Variants in FBXO46 observed in about 807,000 individuals in gnomAD.
The protein encoded by FBXO46 is F-box only protein 46.
Under a neutral mutation model 30.7 loss-of-function variants are expected in FBXO46, and 13 were observed. That is an observed-to-expected ratio of 0.42 (90% CI 0.28 to 0.67). The LOEUF (loss-of-function observed/expected upper bound fraction) is 0.67, where lower values mean the gene tolerates loss of function less well. FBXO46 is among the 30% of genes least tolerant of loss of function. The pLI is 0.21. For missense variants in FBXO46, 754 were observed against 871.5 expected (o/e 0.87, Z 1.70); for synonymous variants, 467 against 385.8 (o/e 1.21, Z -2.47).
rs1967950629 is a variant in FBXO46, at chr19:45,711,083, G to A, written c.*601C>T. ...GAAGAGGAGAGACTGGTAGCTTGAGGTTAAGGAGAAAACAGTATTTCCCCC... is the reference window on the plus strand; with the variant it reads ...GAAGAGGAGAGACTGGTAGCTTGAGATTAAGGAGAAAACAGTATTTCCCCC... On this transcript the variant is annotated 3_prime_UTR_variant, in exon 2 of 2. Coordinates refer to ENST00000317683, the MANE Select transcript of FBXO46 (RefSeq NM_001080469.2). 3.0e-6 allele frequency: 1 copy of A among 334,690 alleles called. No individual in the cohort carries two copies. The highest frequency in any genetic ancestry group is 2.2e-5 in the African/African-American group (1 of 44,652). The allele number at this position is 334,690 out of a possible 1,614,324, so 20.7% of individuals were successfully genotyped here.
intron 1 of FBXO46, among the ~76,000 whole-genome samples, chr19:45,728,750 C>G (rs547051503): frequency 6.6e-6 from 1 of 152,170 alleles, no homozygotes; most frequent in African/African-American, 2.4e-5. Flanking sequence ...GTGGGAGGAT[C>G]GCCTGAGCCC....
chr19:45,712,796 A>T lies in FBXO46; in HGVS notation c.700T>A (p.Phe234Ile). ...GGAGGGCTGTCCCTCTGCGCTTCAA[A>T]GTGGGCCACGGCCTCGGCTACACGG... ...CSRVAEAVAHFEAQRDSPPTK... is the reference protein window; with the variant it reads ...CSRVAEAVAHIEAQRDSPPTK... Residue 234 changes from phenylalanine (F) to isoleucine (I), a missense_variant, in exon 2 of 2, where the codon TTT becomes ATT. Phe to Ile is a conservative substitution (Grantham distance 21). Around this residue, in one of 5 missense-constraint regions of FBXO46, gnomAD observed 454 missense variants for 426.5 expected, o/e 1.06. Coordinates refer to ENST00000317683, the MANE Select transcript of FBXO46 (RefSeq NM_001080469.2). This position sits in a 1 kb window ranked among gnomAD's most constrained non-coding sequence, Gnocchi z 8.8. 1 of 1,612,002 alleles carries T rather than the reference A, an allele frequency of 6.2e-7. No homozygotes were observed. Among genetic ancestry groups the T allele is most frequent in the Non-Finnish European group, 8.5e-7 (1 of 1,179,012 alleles).
intron 1 of FBXO46, among the ~76,000 whole-genome samples, chr19:45,722,590 G>A (rs970191568): frequency 1.3e-5 from 2 of 152,026 alleles, no homozygotes; most frequent in Non-Finnish European, 2.9e-5. Flanking sequence ...GTGAAACCCC[G>A]TTTCTACTAA....
rs775092183 is a variant in FBXO46, at chr19:45,713,452, C to T, written c.44G>A (p.Arg15Gln). 17 of 1,592,428 alleles carry T rather than the reference C, an allele frequency of 1.1e-5. No individual in the cohort carries two copies. The highest frequency in any genetic ancestry group is 4.0e-5 in the African/African-American group (3 of 74,566). The change falls in exon 2 of 2, where the codon CGG (arginine) becomes CAG (glutamine). Residue 15 changes from arginine (R) to glutamine (Q), a missense_variant. Physicochemically the swap from Arg to Gln is conservative, Grantham distance 43. Around this residue, in one of 5 missense-constraint regions of FBXO46, gnomAD observed 97 missense variants for 113.0 expected, o/e 0.86. Coordinates refer to ENST00000317683, the MANE Select transcript of FBXO46 (RefSeq NM_001080469.2). This position sits in a 1 kb window ranked among gnomAD's most constrained non-coding sequence, Gnocchi z 4.7. ...SLLPFQLWCP[R>Q]PFGTYSQNQP... ...GTTCTGTGAGTAGGTGCCAAAGGGC[C>T]GGGGGCACCATAGCTGGAAGGGCAG...
chr19:45,728,544 C>G (rs374629442), intron 1 of FBXO46, among the ~76,000 whole-genome samples: 5 of 152,142 alleles, frequency 3.3e-5, no homozygotes, highest in African/African-American at 1.2e-4. Context: ...AAAGAAGAAC[C>G]CTTGCCCAGG....
chr19:45,731,735 C>T (rs1968316902), upstream of FBXO46, among the ~76,000 whole-genome samples: 1 of 152,092 alleles, frequency 6.6e-6, no homozygotes, highest in Non-Finnish European at 1.5e-5. Flanking sequence ...ATCGCTCGAG[C>T]CCAGGAGTTC....
Position 45,712,603 on chromosome 19 carries a change from GC to G in FBXO46, c.892del (p.Ala298ProfsTer73). The G allele has an allele frequency of 6.3e-7, 1 of 1,591,908 alleles. No homozygotes were observed. The highest frequency in any genetic ancestry group is 8.6e-7 in the Non-Finnish European group (1 of 1,168,618). On this transcript the variant is annotated frameshift_variant, in exon 2 of 2. Transcript: ENST00000317683. LOFTEE classifies it high-confidence loss of function. This position sits in a 1 kb window ranked among gnomAD's most constrained non-coding sequence, Gnocchi z 8.8. ...CAYPGSPGPG[A>X]RAKDKITCDL... is the part of the protein sequence containing the mutation. ...ACATGTGATCTTGTCCTTGGCTCGG[GC>G]CCCAGGACCTGGGCTGCCAGGGTAG...
chr19:45,732,918 C>T (rs917680300), upstream of FBXO46, among the ~76,000 whole-genome samples: 14 of 151,940 alleles, frequency 9.2e-5, no homozygotes. Context: ...TCTGCATTAA[C>T]CGAGTTCCCG....
chr19:45,717,361 C>G (rs1968110082), intron 1 of FBXO46: 1 of 152,254 alleles, frequency 6.6e-6, no homozygotes, highest in Admixed American at 6.5e-5. Flanking sequence ...CTCCGGCCAC[C>G]GCGCGGGCAG....
chr19:45,712,047 C>T lies in FBXO46; in HGVS notation c.1449G>A (p.Lys483=), dbSNP rs751795632. 6.2e-7 allele frequency: 1 copy of T among 1,612,192 alleles called. No individual in the cohort carries two copies. Among genetic ancestry groups the T allele is most frequent in the Non-Finnish European group, 8.5e-7 (1 of 1,179,454 alleles). Residue 483 remains lysine (K), a synonymous_variant, in exon 2 of 2, where the codon AAG becomes AAA. Coordinates refer to ENST00000317683, the MANE Select transcript of FBXO46 (RefSeq NM_001080469.2). The surrounding 1 kb of genome is among the most constrained non-coding windows in gnomAD (Gnocchi z 8.8). ...CGCGCGTGGGCAGGAAGCTGAAGAT[C>T]TTGACCAGCACGTGCTCGGGCAGCA... ...MLLLPEHVLV[K]IFSFLPTRAL... is the part of the protein sequence containing the mutation.
intron 1 of FBXO46, among the ~76,000 whole-genome samples, chr19:45,727,363 G>C (rs1968253661): frequency 6.6e-6 from 1 of 152,126 alleles, no homozygotes; most frequent in African/African-American, 2.4e-5. Context: ...TTCGAGACCA[G>C]CCTGGCCAAG....
chr19:45,712,807 G>A lies in FBXO46; in HGVS notation c.689C>T (p.Ala230Val), dbSNP rs760096405. 1.9e-6 allele frequency: 3 copies of A among 1,612,474 alleles called. No homozygotes were observed. Among genetic ancestry groups the A allele is most frequent in the South Asian group, 2.2e-5 (2 of 90,940 alleles). Residue 230 changes from alanine (A) to valine (V), a missense_variant, in exon 2 of 2, where the codon GCC (alanine) becomes GTC (valine). Physicochemically the swap from Ala to Val is moderately conservative, Grantham distance 64 (BLOSUM62 0). Coordinates refer to ENST00000317683, the MANE Select transcript of FBXO46 (RefSeq NM_001080469.2). This position sits in a 1 kb window ranked among gnomAD's most constrained non-coding sequence, Gnocchi z 8.8. ...GGGDCSRVAE[A>V]VAHFEAQRDS... ...CCTCTGCGCTTCAAAGTGGGCCACG[G>A]CCTCGGCTACACGGCTGCAGTCCCC...
chr19:45,723,682 C>G (rs1047295131), intron 1 of FBXO46, among the ~76,000 whole-genome samples: 2 of 151,832 alleles, frequency 1.3e-5, no homozygotes, highest in Non-Finnish European at 2.9e-5. Flanking sequence ...TTTTCTTAGA[C>G]GCAGTCTCAC....
In FBXO46 at chr19:45,712,150, T is replaced by C; in HGVS notation, c.1346A>G (p.Tyr449Cys). ...TAGGAAGTCGTGCGACACGTGCCGG[T>C]ACAAGCGGCACAGGGAGGTGTCCGC... ...GTADTSLCRL[Y>C]RHVSHDFLEI... Residue 449 changes from tyrosine (Y) to cysteine (C), a missense_variant, in exon 2 of 2, where the codon TAC (tyrosine) becomes TGC (cysteine). Physicochemically the swap from Tyr to Cys is radical, Grantham distance 194. Around this residue, in one of 5 missense-constraint regions of FBXO46, gnomAD observed 162 missense variants for 258.7 expected, o/e 0.63. Coordinates refer to ENST00000317683, the MANE Select transcript of FBXO46 (RefSeq NM_001080469.2). This position sits in a 1 kb window ranked among gnomAD's most constrained non-coding sequence, Gnocchi z 8.8. The C allele has an allele frequency of 6.3e-7, 1 of 1,595,042 alleles. No homozygotes were observed. The highest frequency in any genetic ancestry group is 8.5e-7 in the Non-Finnish European group (1 of 1,171,496).
At chr19:45,725,339 C>G (rs1024130330) in intron 1 of FBXO46, among the ~76,000 whole-genome samples, 4 of 151,960 alleles carry the variant, frequency 2.6e-5, no homozygotes, top group African/African-American at 9.7e-5. Context: ...GGCGTAAGAT[C>G]AGGAGGTGGA....
chr19:45,733,008 A>G (rs971139394), upstream of FBXO46, among the ~76,000 whole-genome samples: 3 of 152,000 alleles, frequency 2.0e-5, no homozygotes, highest in Non-Finnish European at 4.4e-5. The surrounding 1 kb of genome is among the most constrained non-coding windows in gnomAD (Gnocchi z 5.7). Flanking sequence ...AGTTCCCACC[A>G]TCTAGCCTGG....
chr19:45,730,034 C>T (rs1968288776), intron 1 of FBXO46, among the ~76,000 whole-genome samples: 1 of 152,114 alleles, frequency 6.6e-6, no homozygotes, highest in African/African-American at 2.4e-5. Flanking sequence ...TCCCTTTAAC[C>T]CTGTTCTCAG....
At position 45,712,433 on chromosome 19, in the gene FBXO46, G is replaced by T. The variant is rs202050242; in HGVS notation, c.1063C>A (p.Pro355Thr). The T allele has an allele frequency of 1.0e-4, 169 of 1,610,658 alleles. No individual in the cohort carries two copies. Among genetic ancestry groups the T allele is most frequent in the Admixed American group, 5.0e-5 (3 of 59,942 alleles). The change falls in exon 2 of 2, where the codon CCT (proline) becomes ACT (threonine). Residue 355 changes from proline (P) to threonine (T), a missense_variant. Physicochemically the swap from Pro to Thr is conservative, Grantham distance 38. Transcript: ENST00000317683. This position sits in a 1 kb window ranked among gnomAD's most constrained non-coding sequence, Gnocchi z 8.8. ...EDTPPAPPPP[P>T]ARDCGASGFH... The stretch of plus-strand genomic sequence containing the variant: ...CCTGACGCTCCGCAGTCCCGGGCAG[G>T]GGGCGGAGGGGGCGCCGGGGGAGTG...
rs1248342123 is a variant in FBXO46 at position 45,711,796 on chromosome 19, C to T, written c.1700G>A (p.Arg567His). ...PYGRSYWMCCRRADRETPGCR... is the reference protein window; with the variant it reads ...PYGRSYWMCCHRADRETPGCR... ...GCCGGGAGTCTCGCGGTCGGCTCGA[C>T]GGCAGCACATCCAGTAGGAACGTCC... Residue 567 changes from arginine (R) to histidine (H), a missense_variant, in exon 2 of 2, where the codon CGT (arginine) becomes CAT (histidine). By Grantham distance (29) the Arg-to-His change is conservative. Transcript: ENST00000317683. 1 of 1,610,320 alleles carries T rather than the reference C, an allele frequency of 6.2e-7. No individual in the cohort carries two copies. Among genetic ancestry groups the T allele is most frequent in the African/African-American group, 1.3e-5 (1 of 75,026 alleles).
Sources: gnomAD v4.1 joint callset for allele counts (sites outside exome capture counted in the v4.1 genomes callset) on GRCh38, gnomAD v4.1.1 for gene constraint, gnomAD v4.1.1 regional missense constraint, Gnocchi (gnomAD v3.1) non-coding constraint, MANE v1.5 for transcripts, NCBI Gene and HGNC (gene_info 2026-07-23, HGNC 2026-07-21) for gene names.